The following TANC2 variants were observed in gnomAD, a reference collection of about 807,000 sequenced individuals.
TANC2 encodes protein TANC2.
TANC2 carries 26 observed loss-of-function variants against 210.5 expected under a neutral mutation model. That is an observed-to-expected ratio of 0.12 (90% CI 0.09 to 0.17). The LOEUF is 0.17. Ranked by LOEUF, TANC2 falls within the 10% of genes least tolerant of loss-of-function variation. TANC2 has a pLI of 1.00. For synonymous variants in TANC2, 931 were observed against 967.1 expected, an observed-to-expected ratio of 0.96 and a Z score of 0.69; for missense variants, 2,129 against 2,608.9, an observed-to-expected ratio of 0.82 and a Z score of 4.01.
rs375802846 is a variant in TANC2 at position 63,395,942 on chromosome 17, A to T, written c.3237+14A>T. 15 of 1,594,178 alleles carry T rather than the reference A, an allele frequency of 9.4e-6. No individual in the cohort carries two copies. The highest frequency in any genetic ancestry group is 1.3e-5 in the Non-Finnish European group (15 of 1,169,060). ...GGTTATACTGAGGTAAGAAGTAGGC[A>T]ATAGGATTGTTTTTTCAAGCTCTGT... On this transcript the variant is annotated intron_variant, in intron 18 of 27. Coordinates refer to ENST00000689528, the Ensembl canonical transcript of TANC2.
At position 63,420,614 on chromosome 17, in the gene TANC2, C is replaced by T. The variant is rs372165206; in HGVS notation, c.4884C>T (p.Ala1628=). The T allele has an allele frequency of 1.9e-5, 31 of 1,613,918 alleles. No individual in the cohort carries two copies. The highest frequency in any genetic ancestry group is 2.3e-5 in the Non-Finnish European group (27 of 1,179,842). Reference sequence around the variant, plus strand: ...TCCGGAGAGGCCCTCAGTATCGGGCCAGCCCTCCAGCTGAAAGTATGAGTG... The same window carrying T: ...TCCGGAGAGGCCCTCAGTATCGGGCTAGCCCTCCAGCTGAAAGTATGAGTG... The change falls in exon 28 of 28, where the codon GCC becomes GCT. Residue 1628 remains alanine (A), a synonymous_variant. Coordinates refer to ENST00000689528, the Ensembl canonical transcript of TANC2. The surrounding 1 kb of genome is among the most constrained non-coding windows in gnomAD (Gnocchi z 4.2).
intron 1 of TANC2, among the ~76,000 whole-genome samples, chr17:62,974,491 T>C (rs1445425774): frequency 1.3e-5 from 2 of 152,214 alleles, no homozygotes; most frequent in East Asian, 3.8e-4. Flanking sequence ...TTGAGGTGGA[T>C]TAGTTATGTT....
At chr17:63,020,699 G>A (rs991124167) in intron 2 of TANC2, among the ~76,000 whole-genome samples, 1 of 152,146 alleles carries the variant, frequency 6.6e-6, no homozygotes, top group Non-Finnish European at 1.5e-5. Flanking sequence ...AGAATCATGT[G>A]TGACTGTTTG....
chr17:63,221,901 G>A (rs1389019543), intron 7 of TANC2, among the ~76,000 whole-genome samples: 1 of 152,174 alleles, frequency 6.6e-6, no homozygotes, highest in Non-Finnish European at 1.5e-5. Context: ...TCCTAGGTAT[G>A]TACAAGAGAG....
At chr17:63,125,317 A>G (rs543626839) in intron 4 of TANC2, 8 of 152,362 alleles carry the variant, frequency 5.3e-5, no homozygotes, top group African/African-American at 1.9e-4. Flanking sequence ...CAATAATGAT[A>G]GTTGATGATG....
chr17:63,153,046 T>C (rs971147119), intron 5 of TANC2: 4 of 152,186 alleles, frequency 2.6e-5, no homozygotes, highest in Non-Finnish European at 5.9e-5. Context: ...ATAGAAACTT[T>C]ATAGTGATTT....
chr17:63,103,300 A>T (rs1054750046), intron 4 of TANC2, among the ~76,000 whole-genome samples: 1 of 152,188 alleles, frequency 6.6e-6, no homozygotes, highest in Non-Finnish European at 1.5e-5. Context: ...TCATTTGCAG[A>T]TATAGGTCCA....
rs562648783 is a variant in TANC2 at position 63,355,475 on chromosome 17, T to A, written c.2582+85T>A. Reference sequence around the variant, plus strand: ...GTGAGTATTGAAAGTAGAAGTGTTCTTCATTGAACATTTCACATAGAAGAG... The same window carrying A: ...GTGAGTATTGAAAGTAGAAGTGTTCATCATTGAACATTTCACATAGAAGAG... On this transcript the variant is annotated intron_variant, in intron 14 of 27. Coordinates refer to ENST00000689528, the Ensembl canonical transcript of TANC2. 2.2e-6 allele frequency: 3 copies of A among 1,351,054 alleles called. No individual in the cohort carries two copies. In the South Asian group the frequency reaches 4.7e-5, roughly 21 times the overall value. 83.7% of individuals were successfully genotyped at this position (1,351,054 alleles called of 1,614,324 possible).
intron 2 of TANC2, among the ~76,000 whole-genome samples, chr17:63,060,851 A>C (rs965842965): frequency 6.6e-6 from 1 of 152,160 alleles, no homozygotes; most frequent in African/African-American, 2.4e-5. Context: ...TAAAATCTTT[A>C]GCTCAGATTC....
At chr17:63,411,659 G>A (rs2048706518) in exon 22 of TANC2, 3 of 1,613,372 alleles carry the variant, frequency 1.9e-6, no homozygotes, top group Non-Finnish European at 1.7e-6. Context: ...CACTGGATCT[G>A]GCAGCTTTCT....
intron 9 of TANC2, among the ~76,000 whole-genome samples, chr17:63,299,534 C>CTTT (rs201041332): frequency 5.5e-5 from 7 of 126,544 alleles, no homozygotes; most frequent in African/African-American, 5.9e-5. Context: ...TGATGTTAAG[C>CTTT]TTTTTTTTTT....
intron 2 of TANC2, among the ~76,000 whole-genome samples, chr17:63,065,517 T>G (rs1157370476): frequency 6.6e-6 from 1 of 152,258 alleles, no homozygotes; most frequent in Non-Finnish European, 1.5e-5. Flanking sequence ...GTACTAATTT[T>G]ATATTACTAC....
intron 14 of TANC2, among the ~76,000 whole-genome samples, chr17:63,374,980 C>T (rs1488860758): frequency 2.0e-5 from 3 of 151,910 alleles, no homozygotes; most frequent in South Asian, 2.1e-4. Flanking sequence ...ATAGCTACTA[C>T]GTTTTATGCC....
chr17:63,291,954 A>G (rs1350817479), intron 9 of TANC2, among the ~76,000 whole-genome samples: 1 of 152,218 alleles, frequency 6.6e-6, no homozygotes, highest in Non-Finnish European at 1.5e-5. Flanking sequence ...ATTATGGGTA[A>G]GTCCCAAGTT....
In TANC2 at chr17:63,073,912, A is replaced by G. The variant is rs767356240; in HGVS notation, c.68-31A>G. The G allele has an allele frequency of 7.8e-6, 12 of 1,544,528 alleles. No homozygotes were observed. In the African/African-American group the frequency reaches 9.6e-5, roughly 12 times the overall value. On this transcript the variant is annotated intron_variant, in intron 2 of 27. Coordinates refer to ENST00000689528, the Ensembl canonical transcript of TANC2. Reference sequence around the variant, plus strand: ...CACTGTTATGTCAATCTCATTATCTATTTGCTTATGCTCCTTTTAATTTTA... The same window carrying G: ...CACTGTTATGTCAATCTCATTATCTGTTTGCTTATGCTCCTTTTAATTTTA...
intron 15 of TANC2, among the ~76,000 whole-genome samples, chr17:63,382,959 GT>G (rs2047660969): frequency 6.6e-6 from 1 of 152,118 alleles, no homozygotes; most frequent in African/African-American, 2.4e-5. Context: ...CTCTTGCAGA[GT>G]TTTTTTAAAA....
chr17:63,025,028 A>AT (rs887045207), intron 2 of TANC2, among the ~76,000 whole-genome samples: 4 of 152,094 alleles, frequency 2.6e-5, no homozygotes, highest in Non-Finnish European at 4.4e-5. Context: ...TTGCTCTTTG[A>AT]TTTTTTTCTT....
chr17:63,416,687 T>C (rs1212064754), intron 26 of TANC2, among the ~76,000 whole-genome samples: 1 of 151,968 alleles, frequency 6.6e-6, no homozygotes, highest in Non-Finnish European at 1.5e-5. Flanking sequence ...AGAGGCAGAG[T>C]TAAACCTATC....
chr17:63,350,297 C>T (rs1161051646), intron 12 of TANC2, among the ~76,000 whole-genome samples: 2 of 152,110 alleles, frequency 1.3e-5, no homozygotes, highest in Admixed American at 1.3e-4. Flanking sequence ...GACTGCTTGC[C>T]CTCTTCCCTC....
Sources: allele counts gnomAD v4.1 joint callset (sites outside exome capture counted in the v4.1 genomes callset), GRCh38; gene constraint gnomAD v4.1.1; non-coding constraint Gnocchi (gnomAD v3.1); transcripts MANE v1.5; gene names NCBI Gene and HGNC (gene_info 2026-07-23, HGNC 2026-07-21).